Variants in NEBL observed in about 807,000 individuals in gnomAD.
NEBL encodes nebulette.
A neutral mutation model predicts 140.2 loss-of-function variants in NEBL; 122 were observed. That is an observed-to-expected ratio of 0.87 (90% CI 0.75 to 1.01). NEBL has a LOEUF of 1.01. Among genes scored for constraint, NEBL ranks in the 50% least tolerant of loss-of-function variants. NEBL has a pLI of 0.00. For missense variants in NEBL, 1,365 were observed against 1,231.3 expected, an observed-to-expected ratio of 1.11 and a Z score of -1.62; for synonymous variants, 436 against 398.9, an observed-to-expected ratio of 1.09 and a Z score of -1.11.
intron 3 of NEBL, among the ~76,000 whole-genome samples, chr10:21,013,084 C>T (rs753909530): frequency 7.9e-5 from 12 of 150,982 alleles, no homozygotes; most frequent in East Asian, 1.9e-4. Context: ...ACAATGGGGG[C>T]GTGGGGGCAG....
intron 3 of NEBL, among the ~76,000 whole-genome samples, chr10:20,966,647 T>C (rs1225045921): frequency 1.3e-5 from 2 of 152,218 alleles, no homozygotes; most frequent in African/African-American, 4.8e-5. Context: ...ACCGGAGCAG[T>C]TCTGGACCAG....
At chr10:20,899,464 A>G (rs1358785223), upstream of NEBL, 1 of 1,287,230 alleles carries the variant, frequency 7.8e-7, no homozygotes, top group East Asian at 5.6e-5. Context: ...CAAGAAAATA[A>G]GCTGTTGAGA....
chr10:20,865,306 G>A (rs1362401118), intron 7 of NEBL, among the ~76,000 whole-genome samples: 1 of 152,164 alleles, frequency 6.6e-6, no homozygotes, highest in Non-Finnish European at 1.5e-5. Context: ...CATTTTAAGT[G>A]TTTTACTCAC....
At chr10:20,831,156 T>G in intron 16 of NEBL, 40 bp downstream of exon 16, 1 of 1,356,134 alleles carries the variant, frequency 7.4e-7, no homozygotes, top group Non-Finnish European at 1.1e-6. Context: ...CAACATGACA[T>G]TGGAATACAC....
At chr10:21,087,969 A>G (rs1004428766) in intron 2 of NEBL, among the ~76,000 whole-genome samples, 3 of 152,204 alleles carry the variant, frequency 2.0e-5, no homozygotes, top group African/African-American at 7.2e-5. Flanking sequence ...ATGCCACCAC[A>G]CTACTTTATG....
chr10:21,103,714 T>C (rs1837581314), intron 2 of NEBL, among the ~76,000 whole-genome samples: 1 of 136,408 alleles, frequency 7.3e-6, no homozygotes, highest in African/African-American at 3.3e-5. Flanking sequence ...ATTTTGCAAA[T>C]ATTTTCTCCT....
At chr10:21,124,260 A>T (rs1838712907) in intron 2 of NEBL, among the ~76,000 whole-genome samples, 2 of 152,364 alleles carry the variant, frequency 1.3e-5, no homozygotes, top group South Asian at 4.1e-4. Flanking sequence ...CTAATATTGT[A>T]TTACTGTCCT....
intron 2 of NEBL, among the ~76,000 whole-genome samples, chr10:21,077,843 G>A (rs1836172738): frequency 6.6e-6 from 1 of 152,008 alleles, no homozygotes; most frequent in Non-Finnish European, 1.5e-5. Context: ...GTCAGGCACA[G>A]CAGAACTGAT....
chr10:21,252,594 T>A (rs1396559724), intron 1 of NEBL, among the ~76,000 whole-genome samples: 1 of 151,842 alleles, frequency 6.6e-6, no homozygotes, highest in Non-Finnish European at 1.5e-5. Context: ...TGGGAAAAAA[T>A]ATATATAAAT....
intron 3 of NEBL, among the ~76,000 whole-genome samples, chr10:21,200,691 C>A (rs1014827163): frequency 6.6e-6 from 1 of 152,180 alleles, no homozygotes; most frequent in African/African-American, 2.4e-5. Context: ...CCTGTTAGAA[C>A]ATGAGCATCC....
rs181341356 is a variant in NEBL, at chr10:20,932,597, A to T, written c.357+29075T>A. The stretch of plus-strand genomic sequence containing the variant: ...CCAGAACTTAAAGTAAAATTTTTTT[A>T]AAATTTTTAAGAAAAGAATAAGTAT... On this transcript the variant is annotated intron_variant, in intron 4 of 6. Transcript: ENST00000417816. Among the ~76,000 whole-genome samples, 81 of 152,354 alleles carry T rather than the reference A, an allele frequency of 5.3e-4. 2 individuals carry two copies. In the East Asian group the frequency reaches 6.5e-3, roughly 12 times the overall value.
chr10:20,954,850 G>A (rs1444742177), intron 4 of NEBL, among the ~76,000 whole-genome samples: 1 of 152,308 alleles, frequency 6.6e-6, no homozygotes, highest in Admixed American at 6.5e-5. Flanking sequence ...GTGTGGATGG[G>A]GAGAGGTATG....
chr10:21,162,512 C>A (rs527772486), intron 2 of NEBL, among the ~76,000 whole-genome samples: 2 of 152,144 alleles, frequency 1.3e-5, no homozygotes, highest in Admixed American at 6.5e-5. Flanking sequence ...AATTGCATTG[C>A]GGTATTGTAA....
intron 3 of NEBL, among the ~76,000 whole-genome samples, chr10:21,012,492 T>G (rs1219851760): frequency 3.9e-5 from 6 of 152,174 alleles, no homozygotes; most frequent in Admixed American, 3.9e-4. Flanking sequence ...CCTAAGTAGC[T>G]GGGGCTACAA....
chr10:21,112,951 G>T (rs2132023833), intron 2 of NEBL: 1 of 358,376 alleles, frequency 2.8e-6, no homozygotes, highest in Non-Finnish European at 5.3e-6. Context: ...AGTGTAACTG[G>T]AAAGTGATCT....
intron 3 of NEBL, among the ~76,000 whole-genome samples, chr10:21,180,436 A>G (rs1023638274): frequency 6.6e-6 from 1 of 152,224 alleles, no homozygotes; most frequent in Non-Finnish European, 1.5e-5. Flanking sequence ...TAAAATTTCA[A>G]CAAGTGTCAT....
intron 20 of NEBL, chr10:20,818,790 G>C: frequency 1.0e-6 from 1 of 987,780 alleles, no homozygotes; most frequent in Non-Finnish European, 1.2e-6. Flanking sequence ...CACAGCTAAG[G>C]TACAGCAACA....
chr10:20,797,329 C>T (rs1315518868), intron 26 of NEBL, among the ~76,000 whole-genome samples: 1 of 152,082 alleles, frequency 6.6e-6, no homozygotes. Context: ...AATGGCATTG[C>T]CTTTGGTTTT....
intron 4 of NEBL, among the ~76,000 whole-genome samples, chr10:20,911,713 T>G (rs1180844478): frequency 1.3e-5 from 2 of 152,220 alleles, no homozygotes; most frequent in Non-Finnish European, 2.9e-5. Flanking sequence ...ATCAGTGATG[T>G]AGCTATCCTT....
Sources: allele counts gnomAD v4.1 joint callset (sites outside exome capture counted in the v4.1 genomes callset), GRCh38; gene constraint gnomAD v4.1.1; transcripts MANE v1.5; gene names NCBI Gene and HGNC (gene_info 2026-07-23, HGNC 2026-07-21).